NOL10: variants seen among roughly 807,000 people sequenced by gnomAD.
NOL10 encodes H_NH0074G24.1.
NOL10 carries 58 observed loss-of-function variants against 103.5 expected under a neutral mutation model. The ratio of observed to expected loss-of-function variants is 0.56; its 90% CI spans 0.45 to 0.70. NOL10 has a LOEUF of 0.70. Among genes scored for constraint, NOL10 ranks in the 30% least tolerant of loss-of-function variants. The probability of loss-of-function intolerance (pLI) is 0.00; values close to 1 mark genes in which losing one functional copy is unlikely to be tolerated. For synonymous variants in NOL10, 287 were observed against 282.5 expected (o/e 1.02, Z -0.16); for missense variants, 763 against 807.3 (o/e 0.95, Z 0.67).
chr2:10,589,697 C>A lies in NOL10; in HGVS notation c.1477G>T (p.Asp493Tyr). ...TCACTCTCTTCATCTACTTGGAAGT[C>A]AGGGTTCTCAAACATAACTTTAAAT... ...DRFKVMFENP[D>Y]FQVDEESEEF... Residue 493 changes from aspartate (D) to tyrosine (Y), a missense_variant, in exon 18 of 21, where the codon GAC becomes TAC. Physicochemically the swap from Asp to Tyr is radical, Grantham distance 160. Transcript: ENST00000381685. The A allele has an allele frequency of 6.3e-7, 1 of 1,582,588 alleles. No homozygotes were observed. Among genetic ancestry groups the A allele is most frequent in the Non-Finnish European group, 8.6e-7 (1 of 1,166,244 alleles).
rs151126497 is a variant in NOL10, at chr2:10,596,744, G to A, written c.1422+4109C>T. The stretch of plus-strand genomic sequence containing the variant: ...AGATCTCATGCACAGTCCTGCCTGA[G>A]CTGCTGCAGAATGAAAGAAAAGTAC... On this transcript the variant is annotated intron_variant, in intron 17 of 20. Coordinates refer to ENST00000381685, the MANE Select transcript of NOL10 (RefSeq NM_024894.4). Among the ~76,000 whole-genome samples, 755 of 152,250 alleles carry A rather than the reference G, an allele frequency of 5.0e-3. 11 individuals are homozygous for A. The highest frequency in any genetic ancestry group is 0.017 in the African/African-American group (724 of 41,540).
Position 10,600,865 on chromosome 2 carries a change from T to C in NOL10, c.1410A>G (p.Lys470=). ...EEEEKQKSTW[K]KKVKSLPNIL... Reference sequence around the variant, plus strand: ...TTTTTCACCTTACCTTAACTTTCTTTTTCCATGTAGATTTCTGCTTCTCCT... The same window carrying C: ...TTTTTCACCTTACCTTAACTTTCTTCTTCCATGTAGATTTCTGCTTCTCCT... The change falls in exon 17 of 21, where the codon AAA becomes AAG. Residue 470 remains lysine (K), a synonymous_variant. Coordinates refer to ENST00000381685, the MANE Select transcript of NOL10 (RefSeq NM_024894.4). The C allele has an allele frequency of 6.4e-7, 1 of 1,551,892 alleles. No individual in the cohort carries two copies. The highest frequency in any genetic ancestry group is 8.7e-7 in the Non-Finnish European group (1 of 1,146,412).
At chr2:10,585,317 A>T (rs540108278) in intron 19 of NOL10, among the ~76,000 whole-genome samples, 1 of 152,354 alleles carries the variant, frequency 6.6e-6, no homozygotes, top group South Asian at 2.1e-4. Flanking sequence ...ACAGCTGTAT[A>T]AAAAGTGAGG....
chr2:10,652,752 C>T (rs1376830360), intron 12 of NOL10, among the ~76,000 whole-genome samples: 1 of 152,162 alleles, frequency 6.6e-6, no homozygotes, highest in Admixed American at 6.5e-5. Context: ...ATTCCCACCA[C>T]TTCTGGGATA....
At chr2:10,619,036 A>G (rs1249942787) in intron 13 of NOL10, among the ~76,000 whole-genome samples, 1 of 152,232 alleles carries the variant, frequency 6.6e-6, no homozygotes, top group Non-Finnish European at 1.5e-5. Flanking sequence ...GAACTTAAGC[A>G]GGATTCAGAA....
chr2:10,621,218 T>C (rs1288863069), intron 13 of NOL10, among the ~76,000 whole-genome samples: 1 of 152,178 alleles, frequency 6.6e-6, no homozygotes, highest in Non-Finnish European at 1.5e-5. Context: ...ACGAAATCTT[T>C]AAACTCATAA....
chr2:10,662,607 A>G (rs191645765), intron 9 of NOL10, among the ~76,000 whole-genome samples: 7 of 152,334 alleles, frequency 4.6e-5, no homozygotes, highest in Admixed American at 4.6e-4. Context: ...TATTAAAAAA[A>G]CACTTGCTTC....
intron 18 of NOL10, 50 bp from the exon 19 acceptor site, chr2:10,589,340 G>C: frequency 1.2e-6 from 2 of 1,602,062 alleles, no homozygotes; most frequent in Non-Finnish European, 1.7e-6. Flanking sequence ...GTCAAACACA[G>C]ACCCCTTGGT....
intron 11 of NOL10, among the ~76,000 whole-genome samples, chr2:10,655,232 AAAG>A (rs1679762438): frequency 6.6e-6 from 1 of 151,812 alleles, no homozygotes; most frequent in East Asian, 1.9e-4. Flanking sequence ...GAAAGGAAGA[AAAG>A]AAAGGAAGGA....
intron 13 of NOL10, among the ~76,000 whole-genome samples, chr2:10,638,481 C>A (rs1284452467): frequency 9.8e-6 from 1 of 101,958 alleles, no homozygotes; most frequent in Non-Finnish European, 1.9e-5. Flanking sequence ...TAGCTGAATT[C>A]CCTTTTTTTT....
At chr2:10,639,294 C>T (rs559435910) in intron 13 of NOL10, among the ~76,000 whole-genome samples, 26 of 152,242 alleles carry the variant, frequency 1.7e-4, no homozygotes, top group Admixed American at 7.8e-4. Flanking sequence ...TGGCAGCGTG[C>T]GCCTATAGTC....
chr2:10,648,294 C>A (rs1356701753), intron 12 of NOL10, among the ~76,000 whole-genome samples: 1 of 152,172 alleles, frequency 6.6e-6, no homozygotes, highest in South Asian at 2.1e-4. Flanking sequence ...CTTTTCTAAA[C>A]TATGATTAAG....
intron 13 of NOL10, among the ~76,000 whole-genome samples, chr2:10,623,059 C>A (rs1227615869): frequency 1.3e-5 from 2 of 151,692 alleles, no homozygotes; most frequent in Non-Finnish European, 2.9e-5. Context: ...TTAAATGGGG[C>A]CCTCATTATT....
At chr2:10,574,278 C>G (rs1674335951) in intron 20 of NOL10, among the ~76,000 whole-genome samples, 1 of 152,174 alleles carries the variant, frequency 6.6e-6, no homozygotes, top group South Asian at 2.1e-4. Flanking sequence ...CCACCAGGAG[C>G]CCTGTAAAGT....
chr2:10,651,917 ATCTT>A (rs1256555484), intron 12 of NOL10, among the ~76,000 whole-genome samples: 1 of 152,328 alleles, frequency 6.6e-6, no homozygotes, highest in African/African-American at 2.4e-5. Context: ...AGGGTTTCTC[ATCTT>A]TCTTGGGAGA....
chr2:10,686,899 C>T (rs572929808), intron 1 of NOL10, among the ~76,000 whole-genome samples: 8 of 152,248 alleles, frequency 5.3e-5, no homozygotes, highest in African/African-American at 1.9e-4. Context: ...GTTTGAGATG[C>T]CTATCAGACA....
chr2:10,577,795 T>G (rs1190012392), intron 19 of NOL10, 57 bp from the exon 20 acceptor site: 2 of 1,177,344 alleles, frequency 1.7e-6, no homozygotes, highest in African/African-American at 3.0e-5. Flanking sequence ...AATTTACCAT[T>G]TGAAACAAGT....
chr2:10,634,236 G>A (rs1678035655), intron 13 of NOL10, among the ~76,000 whole-genome samples: 1 of 152,218 alleles, frequency 6.6e-6, no homozygotes, highest in South Asian at 2.1e-4. Context: ...CAGTATTACA[G>A]TAATCCAGAG....
At chr2:10,674,783 G>A (rs1391478816) in intron 4 of NOL10, among the ~76,000 whole-genome samples, 1 of 152,220 alleles carries the variant, frequency 6.6e-6, no homozygotes, top group East Asian at 1.9e-4. Flanking sequence ...TTTACAGTGA[G>A]CCAAGATTGT....
Sources: allele counts gnomAD v4.1 joint callset (sites outside exome capture counted in the v4.1 genomes callset), GRCh38; gene constraint gnomAD v4.1.1; transcripts MANE v1.5; gene names NCBI Gene and HGNC (gene_info 2026-07-23, HGNC 2026-07-21).